The following UGT1A4 variants were observed in gnomAD, a reference collection of about 807,000 sequenced individuals.
UGT1A4 encodes UDP-glucuronosyltransferase 1A4.
A neutral mutation model predicts 41.1 loss-of-function variants in UGT1A4; 32 were observed. That is an observed-to-expected ratio of 0.78 (90% CI 0.59 to 1.05). The LOEUF is 1.05. Ranked by LOEUF, UGT1A4 falls within the 50% of genes least tolerant of loss-of-function variation. The pLI is 0.00. For missense variants in UGT1A4, 748 were observed against 677.4 expected, an observed-to-expected ratio of 1.10 and a Z score of -1.16; for synonymous variants, 283 against 265.1, an observed-to-expected ratio of 1.07 and a Z score of -0.66.
chr2:233,754,946 G>A, intron 1 of UGT1A4: 1 of 1,327,700 alleles, frequency 7.5e-7, no homozygotes, highest in Non-Finnish European at 1.0e-6. Context: ...AGGAGAATGG[G>A]TCCCGGCCGC....
At chr2:233,743,198 T>C in intron 1 of UGT1A4, 1 of 382,298 alleles carries the variant, frequency 2.6e-6, no homozygotes, top group Non-Finnish European at 5.2e-6. Context: ...TTACTTGGTG[T>C]CAATGCGGAG....
At position 233,772,325 on chromosome 2, in the gene UGT1A4, C is replaced by CGTGTT; in HGVS notation, c.1371_1372insGTGTT (p.Leu458ValfsTer11). The CGTGTT allele has an allele frequency of 6.2e-7, 1 of 1,614,136 alleles. No individual in the cohort carries two copies. Among genetic ancestry groups the CGTGTT allele is most frequent in the Non-Finnish European group, 8.5e-7 (1 of 1,180,020 alleles). ...AGGACCGCCCGGTGGAGCCGCTGGA[C>CGTGTT]CTGGCCGTGTTCTGGGTGGAGTTTG... On this transcript the variant is annotated frameshift_variant, in exon 5 of 5. Transcript: ENST00000373409. LOFTEE classifies it high-confidence loss of function.
At chr2:233,753,850 C>G (rs929195641) in intron 1 of UGT1A4, among the ~76,000 whole-genome samples, 1 of 152,312 alleles carries the variant, frequency 6.6e-6, no homozygotes, top group Non-Finnish European at 1.5e-5. Flanking sequence ...ATATCATTGA[C>G]CAACCACATA....
chr2:233,743,058 A>G lies in UGT1A4; in HGVS notation c.867+23371A>G, dbSNP rs79897461. ...GTCCTATCCGTGTAGTCCCAACGAT[A>G]AGAACAGGTGTTGGCATGAAGTGTT... On this transcript the variant is annotated intron_variant, in intron 1 of 4. Coordinates refer to ENST00000373409, the MANE Select transcript of UGT1A4 (RefSeq NM_007120.3). The G allele has an allele frequency of 7.7e-5, 25 of 325,552 alleles. No homozygotes were observed. The East Asian group carries it at 1.9e-3, about 25-fold the overall frequency. The allele number at this position is 325,552 out of a possible 1,614,324, so 20.2% of individuals were successfully genotyped here. A position where few individuals can be genotyped will look rare whatever the true frequency, so the allele number is the denominator to read the frequency against.
At chr2:233,741,418 C>T (rs1400059458) in intron 1 of UGT1A4, 1 of 151,750 alleles carries the variant, frequency 6.6e-6, no homozygotes, top group Non-Finnish European at 1.5e-5. Context: ...TGAACTGCTC[C>T]AAAAGCAAAC....
At position 233,769,881 on chromosome 2, in the gene UGT1A4, G is replaced by A. The variant is rs1425583978; in HGVS notation, c.1307+1442G>A. The A allele has an allele frequency of 1.5e-5, 6 of 409,146 alleles. No homozygotes were observed. The highest frequency in any genetic ancestry group is 2.0e-5 in the African/African-American group (1 of 48,904). 25.3% of individuals were successfully genotyped at this position (409,146 alleles called of 1,614,324 possible). Reference sequence around the variant, plus strand: ...TCAAAAAAAAAAAAAAAAATGAAAAGTCCACATAACCTGAGCATCATGTGC... The same window carrying A: ...TCAAAAAAAAAAAAAAAAATGAAAAATCCACATAACCTGAGCATCATGTGC... On this transcript the variant is annotated intron_variant, in intron 4 of 4. Coordinates refer to ENST00000373409, the MANE Select transcript of UGT1A4 (RefSeq NM_007120.3). This position sits in a 1 kb window ranked among gnomAD's most constrained non-coding sequence, Gnocchi z 4.4.
chr2:233,727,264 C>T (rs1345980059), intron 1 of UGT1A4, among the ~76,000 whole-genome samples: 1 of 152,152 alleles, frequency 6.6e-6, no homozygotes, highest in East Asian at 1.9e-4. Flanking sequence ...CAGACCCCTC[C>T]TCATCTCCAG....
chr2:233,724,316 G>C (rs1421066037), intron 1 of UGT1A4, among the ~76,000 whole-genome samples: 63 of 131,144 alleles, frequency 4.8e-4, no homozygotes, highest in East Asian at 1.0e-3. Context: ...TCCCGGACGG[G>C]GCGGCTGGCC....
chr2:233,729,169 G>T (rs770212311), intron 1 of UGT1A4: 2 of 1,613,626 alleles, frequency 1.2e-6, no homozygotes, highest in African/African-American at 2.7e-5. Context: ...GCTGGCCACA[G>T]GACTGCTGCT....
intron 1 of UGT1A4, chr2:233,753,510 T>G (rs1695226530): frequency 6.6e-6 from 1 of 152,246 alleles, no homozygotes; most frequent in Non-Finnish European, 1.5e-5. Context: ...GCCTGTCTAG[T>G]TGTTGCCCTT....
intron 4 of UGT1A4, chr2:233,770,769 A>G (rs771897694): frequency 2.6e-5 from 4 of 152,220 alleles, no homozygotes; most frequent in Non-Finnish European, 2.9e-5. Flanking sequence ...CATTATAATA[A>G]TGTTTCCAAA....
chr2:233,752,202 T>G (rs1037176887), intron 1 of UGT1A4: 1 of 152,188 alleles, frequency 6.6e-6, no homozygotes, highest in African/African-American at 2.4e-5. Context: ...TGTGTTGAAC[T>G]CCAGCCAGAA....
At chr2:233,724,684 G>C (rs1018251695) in intron 1 of UGT1A4, among the ~76,000 whole-genome samples, 2 of 144,476 alleles carry the variant, frequency 1.4e-5, no homozygotes, top group Admixed American at 1.4e-4. Flanking sequence ...ATGGGATGGC[G>C]GCCGGGTGAA....
chr2:233,737,087 A>G (rs955839676), intron 1 of UGT1A4, among the ~76,000 whole-genome samples: 1 of 152,174 alleles, frequency 6.6e-6, no homozygotes, highest in Non-Finnish European at 1.5e-5. Context: ...TCAGACAGGG[A>G]TGTTTAAGTC....
At chr2:233,747,632 C>G in intron 1 of UGT1A4, 1 of 1,580,404 alleles carries the variant, frequency 6.3e-7, no homozygotes, top group Non-Finnish European at 8.7e-7. Context: ...TGATCAGGCA[C>G]CTGAATGCTA....
At position 233,754,943 on chromosome 2, in the gene UGT1A4, T is replaced by C. The variant is rs746665032; in HGVS notation, c.868-12091T>C. 5.3e-6 allele frequency: 7 copies of C among 1,332,236 alleles called. No individual in the cohort carries two copies. The African/African-American group carries it at 1.0e-4, about 20-fold the overall frequency. The allele number at this position is 1,332,236 out of a possible 1,614,324, so 82.5% of individuals were successfully genotyped here. The stretch of plus-strand genomic sequence containing the variant: ...GGTTTCCCAAGAGGTCAAAGGAGAA[T>C]GGGTCCCGGCCGCCAAAGAACTCCC... On this transcript the variant is annotated intron_variant, in intron 1 of 4. Transcript: ENST00000373409.
rs28900395 is a variant in UGT1A4 at position 233,758,981 on chromosome 2, G to A, written c.868-8053G>A. ...CAAATGCCTTTCCCCTGGATCTTGGGCCAGTGGAATGAGTACAATTTAACT... is the reference window on the plus strand; with the variant it reads ...CAAATGCCTTTCCCCTGGATCTTGGACCAGTGGAATGAGTACAATTTAACT... On this transcript the variant is annotated intron_variant, in intron 1 of 4. Transcript: ENST00000373409. 1.8e-4 allele frequency among the ~76,000 whole-genome samples: 28 copies of A among 152,260 alleles called. No homozygotes were observed. The East Asian group carries it at 5.2e-3, about 28-fold the overall frequency.
In UGT1A4 at chr2:233,769,485, G is replaced by A; in HGVS notation, c.1307+1046G>A. On this transcript the variant is annotated intron_variant, in intron 4 of 4. Coordinates refer to ENST00000373409, the MANE Select transcript of UGT1A4 (RefSeq NM_007120.3). This position sits in a 1 kb window ranked among gnomAD's most constrained non-coding sequence, Gnocchi z 4.4. ...TATGCGTGTGTGTGTGTGTGCGTGTGTTTATGAGAGTGTCCATTGCTTTCT... is the reference window on the plus strand; with the variant it reads ...TATGCGTGTGTGTGTGTGTGCGTGTATTTATGAGAGTGTCCATTGCTTTCT... 6.2e-7 allele frequency: 1 copy of A among 1,612,612 alleles called. No individual in the cohort carries two copies. Among genetic ancestry groups the A allele is most frequent in the Non-Finnish European group, 8.5e-7 (1 of 1,179,716 alleles).
chr2:233,729,112 G>T, intron 1 of UGT1A4: 1 of 1,612,932 alleles, frequency 6.2e-7, no homozygotes, highest in South Asian at 1.1e-5. Context: ...TCAGCTGTCC[G>T]TGTCTTCTGC....
Sources: gnomAD v4.1 joint callset for allele counts (sites outside exome capture counted in the v4.1 genomes callset) on GRCh38, gnomAD v4.1.1 for gene constraint, Gnocchi (gnomAD v3.1) non-coding constraint, MANE v1.5 for transcripts, NCBI Gene and HGNC (gene_info 2026-07-23, HGNC 2026-07-21) for gene names.